PSME1: variants seen among roughly 807,000 people sequenced by gnomAD.
The protein encoded by PSME1 is proteasome activator subunit 1.
In PSME1, 15 loss-of-function variants were observed where a neutral mutation model predicts 38.4. The ratio of observed to expected loss-of-function variants is 0.39; its 90% CI spans 0.26 to 0.60. The LOEUF is 0.60. PSME1 is among the 20% of genes least tolerant of loss of function. PSME1 has a pLI of 0.53. For synonymous variants in PSME1, 106 were observed against 106.8 expected, an observed-to-expected ratio of 0.99 and a Z score of 0.05; for missense variants, 249 against 305.6, an observed-to-expected ratio of 0.81 and a Z score of 1.38.
Position 24,136,988 on chromosome 14 carries a change from G to C in PSME1, c.43G>C (p.Asp15His). The change falls in exon 2 of 11, where the codon GAT (aspartate) becomes CAT (histidine). Residue 15 changes from aspartate (D) to histidine (H), a missense_variant. Transcript: ENST00000206451. The surrounding 1 kb of genome is among the most constrained non-coding windows in gnomAD (Gnocchi z 4.8). ...RVQPEAQAKV[D>H]VFREDLCTKT... ...AAGGGATGCGTGTGCCCCACAGGTG[G>C]ATGTGTTTCGTGAAGACCTCTGTAC... 1.2e-6 allele frequency: 2 copies of C among 1,614,160 alleles called. No homozygotes were observed. Among genetic ancestry groups the C allele is most frequent in the Non-Finnish European group, 1.7e-6 (2 of 1,180,040 alleles).
At position 24,138,209 on chromosome 14, in the gene PSME1, A is replaced by C. The variant is rs1566602328; in HGVS notation, c.473A>C (p.Glu158Ala). 1 of 1,613,910 alleles carries C rather than the reference A, an allele frequency of 6.2e-7. No individual in the cohort carries two copies. The highest frequency in any genetic ancestry group is 1.3e-5 in the African/African-American group (1 of 74,854). The change falls in exon 8 of 11, where the codon GAG becomes GCG. Residue 158 changes from glutamate (E) to alanine (A), a missense_variant. Coordinates refer to ENST00000206451, the MANE Select transcript of PSME1 (RefSeq NM_006263.4). Reference protein sequence around the residue: ...FGVAVQEKVFELMTSLHTKLE... With the variant: ...FGVAVQEKVFALMTSLHTKLE... ...TTTTTTCCCTAGGAGAAGGTGTTTG[A>C]GCTGATGACCAGCCTCCACACCAAG... is the stretch of plus-strand genomic sequence containing the variant.
Position 24,136,943 on chromosome 14 carries a change from G to T in PSME1, c.40-42G>T. ...AAGGGAACTGTCCTCAAATGAACTGGCCTTAAAGCCAAGTTTCTGAAGGGA... is the reference window on the plus strand; with the variant it reads ...AAGGGAACTGTCCTCAAATGAACTGTCCTTAAAGCCAAGTTTCTGAAGGGA... On this transcript the variant is annotated intron_variant, in intron 1 of 10. Transcript: ENST00000206451. This position sits in a 1 kb window ranked among gnomAD's most constrained non-coding sequence, Gnocchi z 4.8. 1 of 1,613,314 alleles carries T rather than the reference G, an allele frequency of 6.2e-7. No individual in the cohort carries two copies. Among genetic ancestry groups the T allele is most frequent in the South Asian group, 1.1e-5 (1 of 91,022 alleles).
At position 24,136,944 on chromosome 14, in the gene PSME1, C is replaced by A. The variant is rs374443613; in HGVS notation, c.40-41C>A. 2 of 1,613,382 alleles carry A rather than the reference C, an allele frequency of 1.2e-6. No individual in the cohort carries two copies. Among genetic ancestry groups the A allele is most frequent in the Admixed American group, 3.3e-5 (2 of 60,028 alleles). On this transcript the variant is annotated intron_variant, in intron 1 of 10. Transcript: ENST00000206451. The surrounding 1 kb of genome is among the most constrained non-coding windows in gnomAD (Gnocchi z 4.8). ...AGGGAACTGTCCTCAAATGAACTGG[C>A]CTTAAAGCCAAGTTTCTGAAGGGAT...
chr14:24,137,061 C>A, intron 2 of PSME1, 44 bp downstream of exon 2: 1 of 1,614,164 alleles, frequency 6.2e-7, no homozygotes, highest in Non-Finnish European at 8.5e-7. Flanking sequence ...TGCCCAACTC[C>A]TACTGCTCAA....
Position 24,138,916 on chromosome 14 carries a change from C to T in PSME1, c.*100C>T. 6.3e-7 allele frequency: 1 copy of T among 1,591,414 alleles called. No homozygotes were observed. The highest frequency in any genetic ancestry group is 8.6e-7 in the Non-Finnish European group (1 of 1,167,120). ...CAAACTTGCTTCTGTTGAGATTTTT[C>T]CCTCACCTTGCCTCTCAGGCACAAT... On this transcript the variant is annotated 3_prime_UTR_variant, in exon 11 of 11. Transcript: ENST00000206451.
At chr14:24,137,281 G>C in intron 3 of PSME1, 40 bp from the exon 4 acceptor site, 1 of 1,605,752 alleles carries the variant, frequency 6.2e-7, no homozygotes, top group Middle Eastern at 1.7e-4. Flanking sequence ...GAGGTGAGAG[G>C]AACTCCCTCA....
Position 24,136,968 on chromosome 14 carries a change from ATGCGTG to A in PSME1, c.40-13_40-8del. The A allele has an allele frequency of 6.2e-7, 1 of 1,614,144 alleles. No individual in the cohort carries two copies. The highest frequency in any genetic ancestry group is 8.5e-7 in the Non-Finnish European group (1 of 1,180,034). ...GCCTTAAAGCCAAGTTTCTGAAGGG[ATGCGTG>A]TGCCCCACAGGTGGATGTGTTTCGT... On this transcript the variant is annotated splice_polypyrimidine_tract_variant and intron_variant, in intron 1 of 10. Coordinates refer to ENST00000206451, the MANE Select transcript of PSME1 (RefSeq NM_006263.4). The surrounding 1 kb of genome is among the most constrained non-coding windows in gnomAD (Gnocchi z 4.8).
At position 24,137,015 on chromosome 14, in the gene PSME1, A is replaced by T; in HGVS notation, c.70A>T (p.Lys24Ter). The T allele has an allele frequency of 6.2e-7, 1 of 1,614,140 alleles. No homozygotes were observed. The highest frequency in any genetic ancestry group is 8.5e-7 in the Non-Finnish European group (1 of 1,180,020). ...TGTGTTTCGTGAAGACCTCTGTACC[A>T]AGGTAAGACATGCCCCATCAGCGTG... ...VDVFREDLCT[K>*]TENLLGSYFP... The change falls in exon 2 of 11, where the codon AAG becomes TAG. Residue 24 changes from lysine (K) to a stop codon, truncating the protein, a stop_gained and splice_region_variant. Transcript: ENST00000206451. LOFTEE classifies it high-confidence loss of function.
chr14:24,137,080 C>T (rs2037916763), intron 2 of PSME1, 63 bp downstream of exon 2: 4 of 1,613,944 alleles, frequency 2.5e-6, no homozygotes, highest in South Asian at 2.2e-5. Context: ...AACCCTGCCT[C>T]ACTACCTAGG....
rs374443613 is a variant in PSME1 at position 24,136,944 on chromosome 14, C to G, written c.40-41C>G. 6.2e-7 allele frequency: 1 copy of G among 1,613,382 alleles called. No homozygotes were observed. Among genetic ancestry groups the G allele is most frequent in the East Asian group, 2.2e-5 (1 of 44,888 alleles). On this transcript the variant is annotated intron_variant, in intron 1 of 10. Coordinates refer to ENST00000206451, the MANE Select transcript of PSME1 (RefSeq NM_006263.4). The surrounding 1 kb of genome is among the most constrained non-coding windows in gnomAD (Gnocchi z 4.8). ...AGGGAACTGTCCTCAAATGAACTGG[C>G]CTTAAAGCCAAGTTTCTGAAGGGAT...
chr14:24,137,471 G>A, intron 4 of PSME1, 40 bp downstream of exon 4: 1 of 1,613,770 alleles, frequency 6.2e-7, no homozygotes, highest in Non-Finnish European at 8.5e-7. Context: ...CCAACTATGG[G>A]GGTAATCAAC....
rs774645341 is a variant in PSME1, at chr14:24,137,688, C to T, written c.293-12C>T. The T allele has an allele frequency of 3.7e-6, 6 of 1,613,286 alleles. No homozygotes were observed. Among genetic ancestry groups the T allele is most frequent in the Non-Finnish European group, 4.2e-6 (5 of 1,179,272 alleles). ...GCTCAATCATGTGACTGACCCATTG[C>T]TCACTCTCTAGGTCCTCCCTGTGGC... On this transcript the variant is annotated splice_polypyrimidine_tract_variant and intron_variant, in intron 5 of 10. Transcript: ENST00000206451.
Position 24,138,440 on chromosome 14 carries a change from A to G in PSME1, c.583-34A>G, listed in dbSNP as rs768184243. 17 of 1,614,194 alleles carry G rather than the reference A, an allele frequency of 1.1e-5. No individual in the cohort carries two copies. In the East Asian group the frequency reaches 3.1e-4, roughly 30 times the overall value. On this transcript the variant is annotated intron_variant, in intron 9 of 10. Coordinates refer to ENST00000206451, the MANE Select transcript of PSME1 (RefSeq NM_006263.4). ...GTCAGGGTGCATGGGGGAAGGACAC[A>G]TGTAAGGTCAGGCCTGACCCGAGCT...
Position 24,138,123 on chromosome 14 carries a change from A to T in PSME1, c.459+6A>T, listed in dbSNP as rs775329105. 18 of 1,614,010 alleles carry T rather than the reference A, an allele frequency of 1.1e-5. No homozygotes were observed. In the East Asian group the frequency reaches 4.0e-4, roughly 36 times the overall value. ...ATTTTGGAGTGGCTGTCCAGGTGAG[A>T]GCGCTGCCCCACTTCCCTGCTCTTT... On this transcript the variant is annotated splice_donor_region_variant and intron_variant, in intron 7 of 10. Coordinates refer to ENST00000206451, the MANE Select transcript of PSME1 (RefSeq NM_006263.4).
Position 24,137,762 on chromosome 14 carries a change from C to G in PSME1, c.355C>G (p.Pro119Ala), listed in dbSNP as rs1297535914. 1.2e-6 allele frequency: 2 copies of G among 1,614,234 alleles called. No homozygotes were observed. The highest frequency in any genetic ancestry group is 1.7e-5 in the Admixed American group (1 of 60,024). Residue 119 changes from proline (P) to alanine (A), a missense_variant, in exon 6 of 11, where the codon CCT becomes GCT. By Grantham distance (27) the Pro-to-Ala change is conservative. Transcript: ENST00000206451. ...CGTGGTCCTTCTGCAGCGCTTGAAG[C>G]CTGAGATCAAGGATGTCATTGAGCA... The part of the protein sequence containing the change: ...KIVVLLQRLK[P>A]EIKDVIEQLN...
At position 24,136,651 on chromosome 14, in the gene PSME1, A is replaced by T. The variant is rs1262065271; in HGVS notation, c.40-334A>T. Among the ~76,000 whole-genome samples the T allele has an allele frequency of 6.6e-6, 1 of 152,006 alleles. No homozygotes were observed. The highest frequency in any genetic ancestry group is 2.4e-5 in the African/African-American group (1 of 41,376). On this transcript the variant is annotated intron_variant, in intron 1 of 10. Coordinates refer to ENST00000206451, the MANE Select transcript of PSME1 (RefSeq NM_006263.4). This position sits in a 1 kb window ranked among gnomAD's most constrained non-coding sequence, Gnocchi z 4.8. ...CACCCCATCCCTGTCCTACTTGCAG[A>T]GGACTCTCAGCACCCCTCCTCACAC... is the stretch of plus-strand genomic sequence containing the variant.
Position 24,138,107 on chromosome 14 carries a change from T to G in PSME1, c.449T>G (p.Val150Gly). ...PRIEDGNNFG[V>G]AVQEKVFELM... ...ATTGAGGATGGTAACAATTTTGGAG[T>G]GGCTGTCCAGGTGAGAGCGCTGCCC... Residue 150 changes from valine (V) to glycine (G), a missense_variant, in exon 7 of 11, where the codon GTG (valine) becomes GGG (glycine). Coordinates refer to ENST00000206451, the MANE Select transcript of PSME1 (RefSeq NM_006263.4). 6.2e-7 allele frequency: 1 copy of G among 1,614,112 alleles called. No individual in the cohort carries two copies. Among genetic ancestry groups the G allele is most frequent in the Non-Finnish European group, 8.5e-7 (1 of 1,180,008 alleles).
At position 24,138,287 on chromosome 14, in the gene PSME1, CTG is replaced by C. The variant is rs916801932; in HGVS notation, c.527+26_527+27del. ...AAGTGAGTGACCACCCATGTGCACA[CTG>C]TTTTTGTTTTGGGAGACCTCCTTCT... On this transcript the variant is annotated intron_variant, in intron 8 of 10. Coordinates refer to ENST00000206451, the MANE Select transcript of PSME1 (RefSeq NM_006263.4). 6 of 1,613,840 alleles carry C rather than the reference CTG, an allele frequency of 3.7e-6. No homozygotes were observed. The Admixed American group carries it at 5.0e-5, about 13-fold the overall frequency.
rs749693644 is a variant in PSME1, at chr14:24,138,859, C to T, written c.*43C>T. The T allele has an allele frequency of 6.3e-7, 1 of 1,599,634 alleles. No individual in the cohort carries two copies. On this transcript the variant is annotated 3_prime_UTR_variant, in exon 11 of 11. Transcript: ENST00000206451. ...CTGTGATGAGTACAGCAGAGACCTT[C>T]CTGCTTTTTACTGGGGACTCCAGAT...
Sources: gnomAD v4.1 joint callset for allele counts (sites outside exome capture counted in the v4.1 genomes callset) on GRCh38, gnomAD v4.1.1 for gene constraint, Gnocchi (gnomAD v3.1) non-coding constraint, MANE v1.5 for transcripts, NCBI Gene and HGNC (gene_info 2026-07-23, HGNC 2026-07-21) for gene names.